The following PASD1 variants were observed in gnomAD, a reference collection of about 807,000 sequenced individuals.
PASD1 encodes the protein PAS domain containing repressor 1, also known as circadian clock protein PASD1.
PASD1 carries 13 observed loss-of-function variants against 58.8 expected under a neutral mutation model. That is an observed-to-expected ratio of 0.22 (90% CI 0.14 to 0.35). The LOEUF (loss-of-function observed/expected upper bound fraction) is 0.35, where lower values mean the gene tolerates loss of function less well. PASD1 is among the 10% of genes least tolerant of loss of function. The pLI is 1.00. For missense variants in PASD1, 734 were observed against 568.3 expected, an observed-to-expected ratio of 1.29 and a Z score of -2.96; for synonymous variants, 236 against 216.7, an observed-to-expected ratio of 1.09 and a Z score of -0.78.
intron 1 of PASD1, among the ~76,000 whole-genome samples, chrX:151,599,485 G>A (rs1171311676): frequency 1.2e-4 from 13 of 109,250 alleles, no homozygotes; most frequent in African/African-American, 2.7e-4. Context: ...GCTGCCGGGC[G>A]GAGACGCTCC....
intron 1 of PASD1, among the ~76,000 whole-genome samples, chrX:151,573,055 A>T (rs1414811475): frequency 2.9e-5 from 1 of 34,117 alleles, no homozygotes; most frequent in African/African-American, 1.3e-4. Context: ...CTGGGGGTAG[A>T]GGTTGGGGGT....
At chrX:151,673,841 C>T (rs1223254935) in intron 14 of PASD1, 87 bp from the exon 15 acceptor site, 1 of 1,113,110 alleles carries the variant, frequency 9.0e-7, no homozygotes, top group Non-Finnish European at 1.2e-6. Flanking sequence ...CCAAATGTGC[C>T]TGAAGCACCT....
At chrX:151,610,388 TTA>T (rs1318868767) in intron 3 of PASD1, among the ~76,000 whole-genome samples, 1 of 111,586 alleles carries the variant, frequency 9.0e-6, no homozygotes, top group Non-Finnish European at 1.9e-5. Context: ...TTTTGTTTGA[TTA>T]TGTTTTATAT....
chrX:151,625,644 T>A, intron 8 of PASD1, 114 bp downstream of exon 8: 2 of 629,651 alleles, frequency 3.2e-6, no homozygotes, highest in Non-Finnish European at 4.8e-6. Context: ...AAAATGAAAA[T>A]GAAAAAAGAA....
At chrX:151,606,903 T>C (rs2013496018) in intron 3 of PASD1, among the ~76,000 whole-genome samples, 1 of 111,778 alleles carries the variant, frequency 8.9e-6, no homozygotes, top group Non-Finnish European at 1.9e-5. Context: ...TCTTTTGATG[T>C]CTAATGGGAA....
chrX:151,581,680 G>T (rs756783434), intron 1 of PASD1, among the ~76,000 whole-genome samples: 1 of 111,170 alleles, frequency 9.0e-6, no homozygotes, highest in Non-Finnish European at 1.9e-5. Context: ...CTTCATTTTT[G>T]GTAAATTCTC....
intron 1 of PASD1, among the ~76,000 whole-genome samples, chrX:151,593,336 G>C (rs1262426840): frequency 9.1e-6 from 1 of 109,706 alleles, no homozygotes; most frequent in East Asian, 2.9e-4. Context: ...ATATTGGTTT[G>C]CTGCACCCAT....
rs2013560590 is a variant in PASD1, at chrX:151,611,653, C to T, written c.118-11C>T. The T allele has an allele frequency of 8.8e-7, 1 of 1,132,884 alleles. No homozygotes were observed. The highest frequency in any genetic ancestry group is 1.2e-6 in the Non-Finnish European group (1 of 839,208). 93.4% of individuals were successfully genotyped at this position (1,132,884 alleles called of 1,213,427 possible). A position where few individuals can be genotyped will look rare whatever the true frequency, so the allele number is the denominator to read the frequency against. On this transcript the variant is annotated splice_polypyrimidine_tract_variant and intron_variant, in intron 3 of 15. Coordinates refer to ENST00000370357, the MANE Select transcript of PASD1 (RefSeq NM_173493.3). The stretch of plus-strand genomic sequence containing the variant: ...CACTATTTAATTACATTATTATTCT[C>T]TCGTCATTAGTTATTAGATGGCTTT...
chrX:151,625,849 A>G (rs1018212377), intron 8 of PASD1, among the ~76,000 whole-genome samples: 23 of 111,050 alleles, frequency 2.1e-4, no homozygotes, highest in Non-Finnish European at 2.8e-4. Flanking sequence ...TGGGATACTG[A>G]TGTGGGAGGA....
Position 151,672,639 on chromosome X carries a change from C to A in PASD1, c.1894C>A (p.Gln632Lys). The A allele has an allele frequency of 8.3e-7, 1 of 1,211,443 alleles. No individual in the cohort carries two copies. Among genetic ancestry groups the A allele is most frequent in the Non-Finnish European group, 1.1e-6 (1 of 895,313 alleles). Reference protein sequence around the residue: ...SGFYQDENCGQQEDESQSFYP... With the variant: ...SGFYQDENCGKQEDESQSFYP... The stretch of plus-strand genomic sequence containing the variant: ...CTTCTATCAAGATGAAAACTGTGGG[C>A]AACAGGAAGATGAGAGTCAAAGGTA... The change falls in exon 14 of 16, where the codon CAA becomes AAA. Residue 632 changes from glutamine (Q) to lysine (K), a missense_variant. Transcript: ENST00000370357.
In PASD1 at chrX:151,581,227, C is replaced by CAAAAAAAAAAAAAAAA. The variant is rs55664238; in HGVS notation, c.-28+17399_-28+17414dup. Among the ~76,000 whole-genome samples the CAAAAAAAAAAAAAAAA allele has an allele frequency of 1.4e-3, 44 of 31,498 alleles. 1 individual carries two copies. Among genetic ancestry groups the CAAAAAAAAAAAAAAAA allele is most frequent in the East Asian group, 5.3e-3 (1 of 188 alleles). 27.4% of individuals were successfully genotyped at this position (31,498 alleles called of 115,157 possible). Reference sequence around the variant, plus strand: ...TAGGCAACAGAGTAAAGCTCTGTATCAAAAAAAAAAAAAAAAAAAAAAAAA... The same window carrying CAAAAAAAAAAAAAAAA: ...TAGGCAACAGAGTAAAGCTCTGTATCAAAAAAAAAAAAAAAAAAAAAAAAAAAAAAAAAAAAAAAAA... On this transcript the variant is annotated intron_variant, in intron 1 of 15. Coordinates refer to ENST00000370357, the MANE Select transcript of PASD1 (RefSeq NM_173493.3).
chrX:151,672,279 CAGAAGAAGATGCAGGAGA>C lies in PASD1; in HGVS notation c.1543_1560del (p.Met515_Lys520del). The C allele has an allele frequency of 8.6e-7, 1 of 1,167,534 alleles. No homozygotes were observed. The highest frequency in any genetic ancestry group is 1.1e-6 in the Non-Finnish European group (1 of 873,304). The stretch of plus-strand genomic sequence containing the variant: ...GAGAGAGCAAAGGAAGGTGCAGAAG[CAGAAGAAGATGCAGGAGA>C]AGAAGAAGCTGCAGGAGCAGAAAAT... On this transcript the variant is annotated inframe_deletion, in exon 14 of 16. Transcript: ENST00000370357.
chrX:151,616,496 C>T (rs2013638709), intron 4 of PASD1, among the ~76,000 whole-genome samples: 1 of 50,344 alleles, frequency 2.0e-5, no homozygotes, highest in Non-Finnish European at 4.3e-5. Flanking sequence ...TCATTGATTT[C>T]ATTGACAGTT....
intron 1 of PASD1, among the ~76,000 whole-genome samples, chrX:151,579,428 G>A (rs2124228535): frequency 8.9e-6 from 1 of 111,902 alleles, no homozygotes; most frequent in Admixed American, 9.5e-5. Flanking sequence ...GTTTTAAACT[G>A]TTATGCAGAT....
rs1235125548 is a variant in PASD1, at chrX:151,653,899, T to C, written c.717+5197T>C. Among the ~76,000 whole-genome samples the C allele has an allele frequency of 3.5e-4, 21 of 59,940 alleles. 1 individual carries two copies. Among genetic ancestry groups the C allele is most frequent in the African/African-American group, 7.6e-4 (11 of 14,407 alleles). The allele number at this position is 59,940 out of a possible 115,157, so 52.1% of individuals were successfully genotyped here. A position where few individuals can be genotyped will look rare whatever the true frequency, so the allele number is the denominator to read the frequency against. On this transcript the variant is annotated intron_variant, in intron 9 of 15. Transcript: ENST00000370357. ...CTTTCTTTCTTTCTTTCTTTCTTTC[T>C]TTCTTTCTTTCTTTCTTTCTTTCTT...
chrX:151,595,261 A>G (rs1319811237), intron 1 of PASD1, among the ~76,000 whole-genome samples: 2 of 111,729 alleles, frequency 1.8e-5, no homozygotes, highest in Non-Finnish European at 3.8e-5. Flanking sequence ...AGATTGCCTG[A>G]TACCATCCCA....
Position 151,672,244 on chromosome X carries a change from T to A in PASD1, c.1499T>A (p.Leu500Gln), listed in dbSNP as rs774821908. 94 of 1,163,417 alleles carry A rather than the reference T, an allele frequency of 8.1e-5. No individual in the cohort carries two copies. The highest frequency in any genetic ancestry group is 2.0e-4 in the East Asian group (6 of 30,694). ...KEQQRQLREQ[L>Q]QQLREQRKVQ... ...CAGCAGCGGCAGCTGCGGGAGCAGCTGCAACAGCTGAGAGAGCAAAGGAAG... is the reference window on the plus strand; with the variant it reads ...CAGCAGCGGCAGCTGCGGGAGCAGCAGCAACAGCTGAGAGAGCAAAGGAAG... The change falls in exon 14 of 16, where the codon CTG becomes CAG. Residue 500 changes from leucine (L) to glutamine (Q), a missense_variant. By Grantham distance (113) the Leu-to-Gln change is moderately radical. Coordinates refer to ENST00000370357, the MANE Select transcript of PASD1 (RefSeq NM_173493.3).
At chrX:151,602,956 G>A (rs1399175706) in intron 2 of PASD1, among the ~76,000 whole-genome samples, 3 of 112,142 alleles carry the variant, frequency 2.7e-5, no homozygotes, top group Non-Finnish European at 3.8e-5. Context: ...GTTTGGTCCC[G>A]TGTCTTCACA....
At chrX:151,564,333 C>T (rs750279235) in intron 1 of PASD1, among the ~76,000 whole-genome samples, 2 of 112,006 alleles carry the variant, frequency 1.8e-5, no homozygotes, top group Admixed American at 1.9e-4. Flanking sequence ...TGGTTTTCAG[C>T]AGATTGAGCA....
Sources: allele counts gnomAD v4.1 joint callset (sites outside exome capture counted in the v4.1 genomes callset), GRCh38; gene constraint gnomAD v4.1.1; transcripts MANE v1.5; gene names NCBI Gene and HGNC (gene_info 2026-07-23, HGNC 2026-07-21).